Variants in SPEN observed in about 807,000 individuals in gnomAD.
The protein encoded by SPEN is spen family transcriptional repressor, also known as msx2-interacting protein.
Under a neutral mutation model 269.9 loss-of-function variants are expected in SPEN, and 18 were observed. That is an observed-to-expected ratio of 0.07 (90% confidence interval 0.05 to 0.10). The LOEUF is 0.10. SPEN is among the 10% of genes least tolerant of loss of function. The pLI is 1.00. For missense variants in SPEN, 3,822 were observed against 4,631.2 expected (o/e 0.83, Z 5.07); for synonymous variants, 1,726 against 1,765.7 (o/e 0.98, Z 0.56).
At position 15,904,883 on chromosome 1, in the gene SPEN, GTCTC is replaced by G. The variant is rs939274029; in HGVS notation, c.882-4432_882-4429del. 2.0e-4 allele frequency among the ~76,000 whole-genome samples: 30 copies of G among 150,860 alleles called. 1 individual carries two copies. Among genetic ancestry groups the G allele is most frequent in the Admixed American group, 1.9e-3 (29 of 15,148 alleles). On this transcript the variant is annotated intron_variant, in intron 3 of 14. Coordinates refer to ENST00000375759, the MANE Select transcript of SPEN (RefSeq NM_015001.3). ...TTATCACCATTGATTGATTATCTTT[GTCTC>G]TCTCTTTTTTTTTTTTTTGAGACGG...
chr1:15,921,379 G>T (rs1393833292), intron 9 of SPEN, among the ~76,000 whole-genome samples: 1 of 152,162 alleles, frequency 6.6e-6, no homozygotes, highest in East Asian at 1.9e-4. Flanking sequence ...TAGGCTGCCA[G>T]CCAGGGGAGT....
At chr1:15,896,032 CA>C (rs1452698877) in intron 3 of SPEN, among the ~76,000 whole-genome samples, 3 of 151,706 alleles carry the variant, frequency 2.0e-5, no homozygotes, top group Non-Finnish European at 2.9e-5. Context: ...CATATTTAAA[CA>C]CAATTTTAAA....
intron 1 of SPEN, among the ~76,000 whole-genome samples, chr1:15,860,378 GGTGT>G (rs60005872): frequency 0.035 from 4,194 of 121,160 alleles, 93 homozygotes; most frequent in African/African-American, 0.067. Flanking sequence ...TAGCTTCAGA[GGTGT>G]GTGTGTGTGT....
chr1:15,930,803 G>A lies in SPEN; in HGVS notation c.4563G>A (p.Glu1521=), dbSNP rs779521773. The A allele has an allele frequency of 2.5e-6, 4 of 1,614,052 alleles. No individual in the cohort carries two copies. The African/African-American group carries it at 4.0e-5, about 16-fold the overall frequency. Reference sequence around the variant, plus strand: ...AGGACCATAAAGAAGAAGAGCAAGAGAGGCAGGAATTGTTTGCTTCTCGTT... The same window carrying A: ...AGGACCATAAAGAAGAAGAGCAAGAAAGGCAGGAATTGTTTGCTTCTCGTT... The part of the protein sequence containing the change: ...KKEDHKEEEQ[E]RQELFASRFL... Residue 1521 remains glutamate, a synonymous_variant, in exon 11 of 15, where the codon GAG becomes GAA. Coordinates refer to ENST00000375759, the MANE Select transcript of SPEN (RefSeq NM_015001.3). This position sits in a 1 kb window ranked among gnomAD's most constrained non-coding sequence, Gnocchi z 5.3.
chr1:15,930,643 A>C lies in SPEN; in HGVS notation c.4403A>C (p.Asp1468Ala). The C allele has an allele frequency of 6.2e-7, 1 of 1,614,038 alleles. No individual in the cohort carries two copies. Among genetic ancestry groups the C allele is most frequent in the Non-Finnish European group, 8.5e-7 (1 of 1,180,020 alleles). ...GAAAATTGGTCTTTTCTTGATTGGG[A>C]CTCCCGATTTGCAAATTTTCGAAAC... Reference protein sequence around the residue: ...REENWSFLDWDSRFANFRNNK... With the variant: ...REENWSFLDWASRFANFRNNK... The change falls in exon 11 of 15, where the codon GAC (aspartate) becomes GCC (alanine). Residue 1468 changes from aspartate (D) to alanine (A), a missense_variant. Physicochemically the swap from Asp to Ala is moderately radical, Grantham distance 126 (BLOSUM62 -2). This residue lies in a region of SPEN where 267 missense variants were observed against 315.5 expected (regional missense o/e 0.85). Transcript: ENST00000375759. This position sits in a 1 kb window ranked among gnomAD's most constrained non-coding sequence, Gnocchi z 5.3.
rs1280835074 is a variant in SPEN, at chr1:15,929,641, G to T, written c.3401G>T (p.Cys1134Phe). 3 of 1,613,994 alleles carry T rather than the reference G, an allele frequency of 1.9e-6. No homozygotes were observed. Among genetic ancestry groups the T allele is most frequent in the Non-Finnish European group, 2.5e-6 (3 of 1,180,014 alleles). Reference protein sequence around the residue: ...PEREDVRKNYCSLRDETPERK... With the variant: ...PEREDVRKNYFSLRDETPERK... ...AGAGAAGACGTTAGGAAAAACTATT[G>T]CAGTCTTCGTGATGAAACACCTGAA... Residue 1134 changes from cysteine (C) to phenylalanine (F), a missense_variant, in exon 11 of 15, where the codon TGC becomes TTC. Around this residue, in one of 16 missense-constraint regions of SPEN, gnomAD observed 572 missense variants for 582.6 expected, o/e 0.98. Transcript: ENST00000375759. This position sits in a 1 kb window ranked among gnomAD's most constrained non-coding sequence, Gnocchi z 5.8.
In SPEN at chr1:15,876,483, G is replaced by A. The variant is rs139125517; in HGVS notation, c.686G>A (p.Arg229Gln). The change falls in exon 3 of 15, where the codon CGA (arginine) becomes CAA (glutamine). Residue 229 changes from arginine to glutamine, a missense_variant. Transcript: ENST00000375759. Reference protein sequence around the residue: ...IYRDDITREVRGRRPERNYQH... With the variant: ...IYRDDITREVQGRRPERNYQH... ...AGGGATGATATTACCCGGGAGGTACGAGGCAGAAGGCCAGAGCGGAATTAC... is the reference window on the plus strand; with the variant it reads ...AGGGATGATATTACCCGGGAGGTACAAGGCAGAAGGCCAGAGCGGAATTAC... The A allele has an allele frequency of 1.7e-5, 27 of 1,614,004 alleles. No individual in the cohort carries two copies. The highest frequency in any genetic ancestry group is 1.6e-4 in the Middle Eastern group (1 of 6,084).
Position 15,933,454 on chromosome 1 carries a change from T to C in SPEN, c.7214T>C (p.Ile2405Thr), listed in dbSNP as rs758198840. The change falls in exon 11 of 15, where the codon ATT becomes ACT. Residue 2405 changes from isoleucine to threonine, a missense_variant. This residue lies in a region of SPEN where 727 missense variants were observed against 737.9 expected (regional missense o/e 0.99). Coordinates refer to ENST00000375759, the MANE Select transcript of SPEN (RefSeq NM_015001.3). The surrounding 1 kb of genome is among the most constrained non-coding windows in gnomAD (Gnocchi z 5.7). Reference sequence around the variant, plus strand: ...TCATGTACTTCTGACCTAAGCAAGATTCCCTCCACAGAGAATTCGTCCCAA... The same window carrying C: ...TCATGTACTTCTGACCTAAGCAAGACTCCCTCCACAGAGAATTCGTCCCAA... ...PQSCTSDLSKIPSTENSSQEI... is the reference protein window; with the variant it reads ...PQSCTSDLSKTPSTENSSQEI... The C allele has an allele frequency of 6.8e-6, 11 of 1,614,048 alleles. No homozygotes were observed. The East Asian group carries it at 2.2e-4, about 33-fold the overall frequency.
In SPEN at chr1:15,911,193, G is replaced by T. The variant is rs2071008683; in HGVS notation, c.1135G>T (p.Gly379Cys). ...ACATGGAACTTCAGAAGAGAGGTAT[G>T]GTCTGGTATTCTTTCGGCAGCAAGA... The part of the protein sequence containing the change: ...QIHGTSEERY[G>C]LVFFRQQEDQ... The change falls in exon 5 of 15, where the codon GGT becomes TGT. Residue 379 changes from glycine (G) to cysteine (C), a missense_variant. This residue lies in a region of SPEN where 230 missense variants were observed against 426.1 expected (regional missense o/e 0.54). Transcript: ENST00000375759. 1 of 1,613,986 alleles carries T rather than the reference G, an allele frequency of 6.2e-7. No homozygotes were observed. Among genetic ancestry groups the T allele is most frequent in the Non-Finnish European group, 8.5e-7 (1 of 1,180,016 alleles).
intron 3 of SPEN, among the ~76,000 whole-genome samples, chr1:15,899,609 C>T (rs2070880950): frequency 7.5e-6 from 1 of 133,354 alleles, no homozygotes; most frequent in Admixed American, 8.7e-5. Context: ...TGGGCTCATG[C>T]TGTCCTTCTG....
intron 1 of SPEN, among the ~76,000 whole-genome samples, chr1:15,865,751 G>A (rs1429607677): frequency 2.6e-5 from 4 of 151,898 alleles, no homozygotes; most frequent in Admixed American, 6.6e-5. Context: ...TTGTTGGGGC[G>A]TCTCTTTCCC....
chr1:15,931,378 C>A lies in SPEN; in HGVS notation c.5138C>A (p.Ala1713Asp), dbSNP rs2071219118. 6.2e-7 allele frequency: 1 copy of A among 1,614,202 alleles called. No individual in the cohort carries two copies. The change falls in exon 11 of 15, where the codon GCC becomes GAC. Residue 1713 changes from alanine (A) to aspartate (D), a missense_variant. Ala to Asp is a moderately radical substitution (Grantham distance 126). Around this residue, in one of 16 missense-constraint regions of SPEN, gnomAD observed 533 missense variants for 618.8 expected, o/e 0.86. Coordinates refer to ENST00000375759, the MANE Select transcript of SPEN (RefSeq NM_015001.3). This position sits in a 1 kb window ranked among gnomAD's most constrained non-coding sequence, Gnocchi z 4.8. The part of the protein sequence containing the change: ...PPGADPDKEA[A>D]MMPAGVEEGS... ...GGAGCAGACCCCGATAAAGAAGCTG[C>A]CATGATGCCTGCGGGTGTTGAGGAA...
intron 3 of SPEN, among the ~76,000 whole-genome samples, chr1:15,879,162 G>A (rs2070663231): frequency 6.6e-6 from 1 of 152,062 alleles, no homozygotes; most frequent in Non-Finnish European, 1.5e-5. Flanking sequence ...GGTCAATGGT[G>A]AAACCCTGTC....
intron 1 of SPEN, among the ~76,000 whole-genome samples, chr1:15,870,100 C>T (rs1358993770): frequency 6.6e-6 from 1 of 151,972 alleles, no homozygotes; most frequent in African/African-American, 2.4e-5. Context: ...GAACACATGA[C>T]CTCAGGTGAT....
chr1:15,883,296 T>C (rs2070704577), intron 3 of SPEN, among the ~76,000 whole-genome samples: 1 of 152,214 alleles, frequency 6.6e-6, no homozygotes, highest in Non-Finnish European at 1.5e-5. Context: ...TTGCTTAAAG[T>C]AACAAGGAAA....
rs533533955 is a variant in SPEN, at chr1:15,849,715, C to T, written c.83+1565C>T. On this transcript the variant is annotated intron_variant, in intron 1 of 14. Transcript: ENST00000375759. ...GGAAGCAGATGGGAACTTTCTCTTC[C>T]TGGCGCTGCTCCACCCCTTACCCGC... Among the ~76,000 whole-genome samples, 13 of 152,266 alleles carry T rather than the reference C, an allele frequency of 8.5e-5. No homozygotes were observed. The South Asian group carries it at 2.7e-3, about 32-fold the overall frequency.
In SPEN at chr1:15,928,609, A is replaced by T. The variant is rs540976623; in HGVS notation, c.2369A>T (p.Lys790Met). 1 of 1,614,176 alleles carries T rather than the reference A, an allele frequency of 6.2e-7. No individual in the cohort carries two copies. The highest frequency in any genetic ancestry group is 1.1e-5 in the South Asian group (1 of 91,086). ...TTGGAGCGCTATACAAAAAATGAAA[A>T]GACAGATAAAGAACGAACTTTTGAT... ...SRLERYTKNE[K>M]TDKERTFDPE... Residue 790 changes from lysine to methionine, a missense_variant, in exon 11 of 15, where the codon AAG (lysine) becomes ATG (methionine). Lys to Met is a moderately conservative substitution (Grantham distance 95). Transcript: ENST00000375759. This position sits in a 1 kb window ranked among gnomAD's most constrained non-coding sequence, Gnocchi z 5.7.
rs2071267081 is a variant in SPEN, at chr1:15,935,633, C to T, written c.9393C>T (p.Val3131=). The part of the protein sequence containing the change: ...RAPLQPQQIE[V]RAPQRASTPQ... ...CGCTGCAGCCCCAGCAAATAGAGGT[C>T]AGGGCCCCACAGCGTGCCAGCACCC... Residue 3131 remains valine, a synonymous_variant, in exon 11 of 15, where the codon GTC becomes GTT. Coordinates refer to ENST00000375759, the MANE Select transcript of SPEN (RefSeq NM_015001.3). This position sits in a 1 kb window ranked among gnomAD's most constrained non-coding sequence, Gnocchi z 7.7. 3.1e-6 allele frequency: 5 copies of T among 1,614,010 alleles called. No individual in the cohort carries two copies. The highest frequency in any genetic ancestry group is 4.2e-6 in the Non-Finnish European group (5 of 1,180,018).
intron 1 of SPEN, among the ~76,000 whole-genome samples, chr1:15,849,679 G>T (rs772457576): frequency 2.0e-5 from 3 of 152,118 alleles, no homozygotes; most frequent in Non-Finnish European, 2.9e-5. Context: ...GGGAGACCAC[G>T]GGCTGGATTG....
Sources: gnomAD v4.1 joint callset for allele counts (sites outside exome capture counted in the v4.1 genomes callset) on GRCh38, gnomAD v4.1.1 for gene constraint, gnomAD v4.1.1 regional missense constraint, Gnocchi (gnomAD v3.1) non-coding constraint, MANE v1.5 for transcripts, NCBI Gene and HGNC (gene_info 2026-07-23, HGNC 2026-07-21) for gene names.